Variants in SLC25A17 observed in about 807,000 individuals in gnomAD.
The protein encoded by SLC25A17 is peroxisomal membrane protein PMP34.
SLC25A17 carries 26 observed loss-of-function variants against 38.5 expected under a neutral mutation model. The observed-to-expected ratio is 0.68, with a 90% CI of 0.50 to 0.94. The LOEUF (loss-of-function observed/expected upper bound fraction) is 0.94, where lower values mean the gene tolerates loss of function less well. SLC25A17 is among the 40% of genes least tolerant of loss of function. SLC25A17 has a pLI of 0.00. For synonymous variants in SLC25A17, 139 were observed against 136.2 expected (o/e 1.02, Z -0.14); for missense variants, 333 against 372.7 (o/e 0.89, Z 0.88).
In SLC25A17 at chr22:40,818,292, A is replaced by G. The variant is rs111869567; in HGVS notation, c.54+903T>C. Among the ~76,000 whole-genome samples the G allele has an allele frequency of 3.3e-5, 5 of 152,366 alleles. 1 individual carries two copies. The highest frequency in any genetic ancestry group is 1.2e-4 in the African/African-American group (5 of 41,596). On this transcript the variant is annotated intron_variant, in intron 1 of 8. Coordinates refer to ENST00000435456, the MANE Select transcript of SLC25A17 (RefSeq NM_006358.4). ...GAGGAGTCACCCAAGCCAAAAGTGG[A>G]AAGTTTTAAGGAAAAGAGGGGAGAG...
intron 8 of SLC25A17, 43 bp from the exon 9 acceptor site, chr22:40,771,024 A>G (rs2057177648): frequency 6.7e-7 from 1 of 1,493,174 alleles, no homozygotes; most frequent in South Asian, 1.3e-5. Flanking sequence ...CAGCTCCTGC[A>G]TCAGAGAACA....
intron 5 of SLC25A17, among the ~76,000 whole-genome samples, chr22:40,778,796 A>G (rs866743997): frequency 2.0e-5 from 3 of 152,382 alleles, no homozygotes; most frequent in Middle Eastern, 6.8e-3. Flanking sequence ...GGCAACGTAC[A>G]GAATGGGAGA....
chr22:40,801,428 G>A (rs2057483275), intron 1 of SLC25A17, among the ~76,000 whole-genome samples: 2 of 151,786 alleles, frequency 1.3e-5, no homozygotes, highest in Admixed American at 1.3e-4. Flanking sequence ...ATTTGTGAGA[G>A]CATTCTTTCT....
chr22:40,814,368 C>A (rs1743477735), intron 1 of SLC25A17, among the ~76,000 whole-genome samples: 2 of 152,204 alleles, frequency 1.3e-5, no homozygotes, highest in South Asian at 4.1e-4. Context: ...CTATATCACT[C>A]TCCCCGGACT....
chr22:40,779,337 G>A (rs989570991), intron 4 of SLC25A17: 68 of 1,335,640 alleles, frequency 5.1e-5, no homozygotes, highest in Admixed American at 3.1e-4. Flanking sequence ...AATGGCTGGC[G>A]GCAGCAGCTC....
At chr22:40,817,363 C>G (rs1250007666) in intron 1 of SLC25A17, 5 of 152,360 alleles carry the variant, frequency 3.3e-5, no homozygotes, top group Admixed American at 2.0e-4. Context: ...TTTTCTCGGC[C>G]TCTTAATGGT....
intron 1 of SLC25A17, among the ~76,000 whole-genome samples, chr22:40,802,239 T>C (rs1199619699): frequency 1.3e-5 from 2 of 152,166 alleles, no homozygotes; most frequent in Non-Finnish European, 2.9e-5. Flanking sequence ...TTCCTAAACA[T>C]AGAAGTCCTT....
chr22:40,773,973 A>G lies in SLC25A17; in HGVS notation c.740T>C (p.Leu247Pro), dbSNP rs757547573. ...LNPENRTLGS[L>P]RNILYLLHQR... ...GTGAAGAAGATAGAGAATATTCCGA[A>G]GACTTCCCAATGTTCTGTTTTCTGG... Residue 247 changes from leucine (L) to proline (P), a missense_variant, in exon 8 of 9, where the codon CTT becomes CCT. Coordinates refer to ENST00000435456, the MANE Select transcript of SLC25A17 (RefSeq NM_006358.4). The G allele has an allele frequency of 6.2e-7, 1 of 1,613,604 alleles. No homozygotes were observed. Among genetic ancestry groups the G allele is most frequent in the South Asian group, 1.1e-5 (1 of 91,072 alleles).
At chr22:40,804,316 A>G (rs1489653827) in intron 1 of SLC25A17, among the ~76,000 whole-genome samples, 1 of 152,122 alleles carries the variant, frequency 6.6e-6, no homozygotes, top group Non-Finnish European at 1.5e-5. Context: ...GCTCGCTGGT[A>G]CCTAGATGTG....
intron 7 of SLC25A17, among the ~76,000 whole-genome samples, chr22:40,776,700 A>G (rs927442994): frequency 1.2e-4 from 19 of 152,152 alleles, no homozygotes; most frequent in Non-Finnish European, 5.9e-5. Context: ...ACTTTGAGAC[A>G]AGCCTGGAAA....
chr22:40,798,875 G>A lies in SLC25A17; in HGVS notation c.115+148C>T, dbSNP rs983683319. 36 of 545,430 alleles carry A rather than the reference G, an allele frequency of 6.6e-5. 1 individual carries two copies. Among genetic ancestry groups the A allele is most frequent in the Non-Finnish European group, 1.1e-4 (34 of 299,214 alleles). 33.8% of individuals were successfully genotyped at this position (545,430 alleles called of 1,614,324 possible). ...GGAGAATCGCTTGAACCCAGGAGGCGAAGGTTGCAGTGAGCCGAGATCATG... is the reference window on the plus strand; with the variant it reads ...GGAGAATCGCTTGAACCCAGGAGGCAAAGGTTGCAGTGAGCCGAGATCATG... On this transcript the variant is annotated intron_variant, in intron 2 of 8. Transcript: ENST00000435456.
chr22:40,801,125 T>TTTTATATATATA (rs1411306043), intron 1 of SLC25A17, among the ~76,000 whole-genome samples: 1 of 49,518 alleles, frequency 2.0e-5, no homozygotes, highest in African/African-American at 8.4e-5. Flanking sequence ...AAAAAATATA[T>TTTTATATATATA]TACATATATA....
chr22:40,787,232 G>C (rs1206535148), intron 4 of SLC25A17, among the ~76,000 whole-genome samples: 2 of 152,190 alleles, frequency 1.3e-5, no homozygotes, highest in African/African-American at 2.4e-5. Context: ...ACTGTTGTCA[G>C]ACAGACCACA....
intron 4 of SLC25A17, among the ~76,000 whole-genome samples, chr22:40,780,573 T>C (rs747811415): frequency 1.5e-4 from 23 of 152,214 alleles, no homozygotes; most frequent in South Asian, 6.2e-4. Flanking sequence ...TTCAATGCAA[T>C]GCACACTTCA....
chr22:40,814,765 ATATATATATATAT>A (rs2057618841), intron 1 of SLC25A17, among the ~76,000 whole-genome samples: 1 of 16,370 alleles, frequency 6.1e-5, no homozygotes, highest in Non-Finnish European at 1.1e-4. Flanking sequence ...ATATATATAT[ATATATATATATAT>A]ATATATATAT....
At chr22:40,807,531 T>C (rs2057540605) in intron 1 of SLC25A17, among the ~76,000 whole-genome samples, 1 of 152,092 alleles carries the variant, frequency 6.6e-6, no homozygotes, top group African/African-American at 2.4e-5. Context: ...GGACGGATCA[T>C]GAGGTCAGGA....
intron 7 of SLC25A17, chr22:40,776,254 T>G (rs910446700): frequency 8.6e-6 from 4 of 465,298 alleles, no homozygotes; most frequent in East Asian, 7.1e-5. Context: ...TACCACTGCA[T>G]GCCCAGGTCC....
intron 1 of SLC25A17, among the ~76,000 whole-genome samples, chr22:40,811,162 T>G (rs769945202): frequency 7.2e-5 from 11 of 152,118 alleles, no homozygotes; most frequent in Non-Finnish European, 1.3e-4. Flanking sequence ...AATCCCTCTC[T>G]TTATTCTCTC....
chr22:40,788,678 G>A lies in SLC25A17; in HGVS notation c.334+3847C>T, dbSNP rs564328096. On this transcript the variant is annotated intron_variant, in intron 4 of 8. Transcript: ENST00000435456. ...TGCACTCCAGCCTGGGAGAGAGAGC[G>A]AGACTCCATCTCAAAAACTTAAAAT... 9 of 187,612 alleles carry A rather than the reference G, an allele frequency of 4.8e-5. No homozygotes were observed. The South Asian group carries it at 4.8e-4, about 10-fold the overall frequency. The allele number at this position is 187,612 out of a possible 1,614,324, so 11.6% of individuals were successfully genotyped here. A position where few individuals can be genotyped will look rare whatever the true frequency, so the allele number is the denominator to read the frequency against.
Sources: gnomAD v4.1 joint callset for allele counts (sites outside exome capture counted in the v4.1 genomes callset) on GRCh38, gnomAD v4.1.1 for gene constraint, MANE v1.5 for transcripts, NCBI Gene and HGNC (gene_info 2026-07-23, HGNC 2026-07-21) for gene names.